MYH11: variants seen among roughly 807,000 people sequenced by gnomAD.
The protein encoded by MYH11 is myosin-11.
MYH11 carries 80 observed loss-of-function variants against 246.6 expected under a neutral mutation model. That is an observed-to-expected ratio of 0.32 (90% CI 0.27 to 0.39). The LOEUF (loss-of-function observed/expected upper bound fraction) is 0.39. Among genes scored for constraint, MYH11 ranks in the 10% least tolerant of loss-of-function variants. The pLI, the probability that MYH11 is intolerant of heterozygous loss-of-function variation, is 1.00. For missense variants in MYH11, 2,158 were observed against 2,546.8 expected (o/e 0.85, Z 3.29); for synonymous variants, 1,071 against 1,015.5 (o/e 1.05, Z -1.04).
In MYH11 at chr16:15,838,203, T is replaced by A; in HGVS notation, c.50A>T (p.Asp17Val). The A allele has an allele frequency of 6.2e-7, 1 of 1,614,080 alleles. No homozygotes were observed. The highest frequency in any genetic ancestry group is 8.5e-7 in the Non-Finnish European group (1 of 1,180,024). Residue 17 changes from aspartate to valine, a missense_variant, in exon 2 of 41, where the codon GAC becomes GTC. Asp to Val is a radical substitution (Grantham distance 152, BLOSUM62 -3). Coordinates refer to ENST00000300036, the MANE Select transcript of MYH11 (RefSeq NM_002474.3). ...CACTGGGCTGTTGATGAAGTTTTTGTCCACAAAGAGGAACTTCTCATCGTC... is the reference window on the plus strand; with the variant it reads ...CACTGGGCTGTTGATGAAGTTTTTGACCACAAAGAGGAACTTCTCATCGTC... ...LSDDEKFLFV[D>V]KNFINSPVAQ...
At chr16:15,733,202 T>G (rs1405868238) in intron 26 of MYH11, among the ~76,000 whole-genome samples, 1 of 152,162 alleles carries the variant, frequency 6.6e-6, no homozygotes, top group African/African-American at 2.4e-5. Context: ...GAGCCAGAAT[T>G]AGAAGCTAAA....
chr16:15,705,369 G>C (rs988600331), intron 40 of MYH11, among the ~76,000 whole-genome samples: 1 of 152,164 alleles, frequency 6.6e-6, no homozygotes, highest in Non-Finnish European at 1.5e-5. Flanking sequence ...TCTCTCTTGA[G>C]TTTATCACCT....
At chr16:15,730,849 C>T (rs2040939866) in intron 27 of MYH11, among the ~76,000 whole-genome samples, 2 of 152,192 alleles carry the variant, frequency 1.3e-5, no homozygotes, top group Admixed American at 6.5e-5. Context: ...ATTCAGCATT[C>T]GGTACTGCTA....
At chr16:15,780,473 G>GTTTTT (rs2042325381) in intron 6 of MYH11, among the ~76,000 whole-genome samples, 1 of 51,714 alleles carries the variant, frequency 1.9e-5, no homozygotes, top group African/African-American at 7.5e-5. Flanking sequence ...AGATTTTTAC[G>GTTTTT]CTTTTTTTTT....
At chr16:15,717,561 G>A (rs2040228375) in intron 37 of MYH11, 1 of 602,590 alleles carries the variant, frequency 1.7e-6, no homozygotes, top group Non-Finnish European at 2.9e-6. Context: ...TTTGGAAGCA[G>A]AGGCAGGTAA....
At chr16:15,855,476 C>G (rs1350626633) in intron 1 of MYH11, among the ~76,000 whole-genome samples, 1 of 152,208 alleles carries the variant, frequency 6.6e-6, no homozygotes, top group Non-Finnish European at 1.5e-5. Context: ...TGGACTCAAA[C>G]TGACCCGGGA....
At position 15,837,777 on chromosome 16, in the gene MYH11, T is replaced by C. The variant is rs28461640; in HGVS notation, c.345+131A>G. On this transcript the variant is annotated intron_variant, in intron 2 of 40. Transcript: ENST00000300036. ...CTCGAACTTCTGACCTCAGGTGATC[T>C]GCCCACCTCGGCCTCCCAAAGTGCT... 0.018 allele frequency: 14,078 copies of C among 774,176 alleles called. 1,111 individuals are homozygous for C. In the African/African-American group the frequency reaches 0.19, roughly 10 times the overall value. The allele number at this position is 774,176 out of a possible 1,614,324, so 48.0% of individuals were successfully genotyped here. A position where few individuals can be genotyped will look rare whatever the true frequency, so the allele number is the denominator to read the frequency against.
intron 2 of MYH11, among the ~76,000 whole-genome samples, chr16:15,829,508 TCTC>T (rs1167330362): frequency 1.3e-5 from 2 of 151,990 alleles, no homozygotes; most frequent in African/African-American, 4.8e-5. Context: ...TTCAGCCACT[TCTC>T]CTTCACCTCG....
chr16:15,795,955 T>C (rs532125215), intron 4 of MYH11, among the ~76,000 whole-genome samples: 11 of 152,334 alleles, frequency 7.2e-5, no homozygotes, highest in African/African-American at 2.6e-4. Flanking sequence ...TATGACAGCA[T>C]GCTAATGAAT....
chr16:15,783,862 C>A (rs1288525834), intron 5 of MYH11, among the ~76,000 whole-genome samples: 1 of 152,102 alleles, frequency 6.6e-6, no homozygotes, highest in East Asian at 1.9e-4. Context: ...CACACAAAAG[C>A]AGATCCCAAA....
intron 31 of MYH11, among the ~76,000 whole-genome samples, chr16:15,723,426 C>T (rs189689012): frequency 6.8e-4 from 104 of 152,274 alleles, no homozygotes; most frequent in African/African-American, 2.4e-3. Flanking sequence ...GCAGGCAGAT[C>T]ATGTGAGGCC....
intron 9 of MYH11, among the ~76,000 whole-genome samples, chr16:15,767,421 T>C (rs2042007739): frequency 1.3e-5 from 2 of 152,172 alleles, no homozygotes; most frequent in Non-Finnish European, 2.9e-5. Flanking sequence ...GGTTGAATGT[T>C]GGTCTTTCTA....
chr16:15,756,609 G>T, intron 13 of MYH11, 95 bp from the exon 14 acceptor site: 1 of 1,250,142 alleles, frequency 8.0e-7, no homozygotes, highest in Non-Finnish European at 1.2e-6. Context: ...ATGGGCATCC[G>T]CCGAGATCTG....
Position 15,800,716 on chromosome 16 carries a change from A to G in MYH11, c.503-2029T>C, listed in dbSNP as rs144295100. 1.6e-3 allele frequency among the ~76,000 whole-genome samples: 250 copies of G among 151,980 alleles called. 1 individual carries two copies. The highest frequency in any genetic ancestry group is 0.01 in the Middle Eastern group (3 of 294). On this transcript the variant is annotated intron_variant, in intron 3 of 40. Coordinates refer to ENST00000300036, the MANE Select transcript of MYH11 (RefSeq NM_002474.3). The stretch of plus-strand genomic sequence containing the variant: ...GAGATGACTCTTTCTTCCATCTGTA[A>G]TCTTAAGAGAGAACTGATTGGATGT...
At chr16:15,763,741 T>TCGGGCCCCCCCCCCCCCCCCCCC in intron 10 of MYH11, 55 bp downstream of exon 10, 1 of 646,858 alleles carries the variant, frequency 1.5e-6, no homozygotes, top group Admixed American at 2.1e-5. Flanking sequence ...AAATGTCACC[T>TCGGGCCCCCCCCCCCCCCCCCCC]CCCCCACCCC....
chr16:15,719,171 T>TCCC (rs771797012), intron 36 of MYH11, 49 bp downstream of exon 36: 1 of 1,530,774 alleles, frequency 6.5e-7, no homozygotes, highest in South Asian at 1.1e-5. Flanking sequence ...ATGCTGCCTG[T>TCCC]CCCCCCATCC....
intron 4 of MYH11, among the ~76,000 whole-genome samples, chr16:15,788,842 A>C (rs1004973093): frequency 4.7e-5 from 6 of 128,086 alleles, no homozygotes; most frequent in Non-Finnish European, 8.3e-5. Context: ...GTGTGTGTGT[A>C]AAAGAGGAGA....
At chr16:15,818,578 G>T (rs1430432588) in intron 3 of MYH11, among the ~76,000 whole-genome samples, 5 of 152,002 alleles carry the variant, frequency 3.3e-5, no homozygotes, top group Admixed American at 1.3e-4. Context: ...GGGACTACAG[G>T]CGCCTGCCAC....
rs767885449 is a variant in MYH11 at position 15,724,214 on chromosome 16, T to G, written c.4312A>C (p.Asn1438His). ...AGGTTGGACACGAGTTGCCGCTGGT[T>G]GTCCAAATCAACAACCAGGTCGTCC... ...ELDDLVVDLDNQRQLVSNLEK... is the reference protein window; with the variant it reads ...ELDDLVVDLDHQRQLVSNLEK... Residue 1438 changes from asparagine to histidine, a missense_variant, in exon 31 of 41, where the codon AAC becomes CAC. Transcript: ENST00000300036. The G allele has an allele frequency of 6.2e-7, 1 of 1,614,156 alleles. No homozygotes were observed. Among genetic ancestry groups the G allele is most frequent in the East Asian group, 2.2e-5 (1 of 44,884 alleles).
Sources: gnomAD v4.1 joint callset for allele counts (sites outside exome capture counted in the v4.1 genomes callset) on GRCh38, gnomAD v4.1.1 for gene constraint, MANE v1.5 for transcripts, NCBI Gene and HGNC (gene_info 2026-07-23, HGNC 2026-07-21) for gene names.